TES: variants seen among roughly 807,000 people sequenced by gnomAD.
The protein encoded by TES is testin.
TES carries 41 observed loss-of-function variants against 48.2 expected under a neutral mutation model. The ratio of observed to expected loss-of-function variants is 0.85; its 90% CI spans 0.66 to 1.10. The LOEUF (loss-of-function observed/expected upper bound fraction) is 1.10, where lower values mean the gene tolerates loss of function less well. Ranked by LOEUF, TES falls within the 50% of genes least tolerant of loss-of-function variation. The probability of loss-of-function intolerance (pLI) is 0.00; values close to 1 mark genes in which losing one functional copy is unlikely to be tolerated. For missense variants in TES, 463 were observed against 515.1 expected (o/e 0.90, Z 0.98); for synonymous variants, 162 against 174.9 (o/e 0.93, Z 0.58).
Position 116,210,610 on chromosome 7 carries a change from C to T in TES, c.-98C>T, listed in dbSNP as rs577172537. The T allele has an allele frequency of 2.8e-4, 348 of 1,226,860 alleles. 5 individuals carry two copies. The South Asian group carries it at 7.7e-3, about 27-fold the overall frequency. The allele number at this position is 1,226,860 out of a possible 1,614,324, so 76.0% of individuals were successfully genotyped here. A position where few individuals can be genotyped will look rare whatever the true frequency, so the allele number is the denominator to read the frequency against. ...GCTGTTGAGCGGCGCCGCGGGAGTT[C>T]CGCAGGTTTCCCGTGTTCGCAGCGG... is the stretch of plus-strand genomic sequence containing the variant. On this transcript the variant is annotated 5_prime_UTR_variant, in exon 1 of 7. Coordinates refer to ENST00000358204, the MANE Select transcript of TES (RefSeq NM_015641.4).
chr7:116,212,204 GTATT>G (rs1799446822), intron 1 of TES, among the ~76,000 whole-genome samples: 1 of 152,188 alleles, frequency 6.6e-6, no homozygotes, highest in South Asian at 2.1e-4. Context: ...TTGCTTTTAA[GTATT>G]TATTTGAAGA....
intron 1 of TES, chr7:116,211,053 T>G: frequency 4.2e-6 from 1 of 240,588 alleles, no homozygotes; most frequent in Non-Finnish European, 7.9e-6. Flanking sequence ...CAGCTCTGCC[T>G]GTGCCTCCTC....
intron 2 of TES, among the ~76,000 whole-genome samples, chr7:116,242,525 CTCTCTCTCTCTCTGTCTCTG>C (rs145487576): frequency 0.2 from 29,885 of 146,190 alleles, 3,209 homozygotes; most frequent in East Asian, 0.43. Context: ...CTCTCTCTCT[CTCTCTCTCTCTCTGTCTCTG>C]TCTCGGAATA....
In TES at chr7:116,258,349, A is replaced by T. The variant is rs1354996937; in HGVS notation, c.*867A>T. ...GGTCTCAAACTCCTGACCTCAGATG[A>T]TCCGCCTGCCTTGGCCTCCCAAAGT... On this transcript the variant is annotated 3_prime_UTR_variant, in exon 7 of 7. Transcript: ENST00000358204. 4.6e-5 allele frequency: 7 copies of T among 152,552 alleles called. No individual in the cohort carries two copies. Among genetic ancestry groups the T allele is most frequent in the Non-Finnish European group, 1.0e-4 (7 of 68,074 alleles). The allele number at this position is 152,552 out of a possible 1,614,324, so 9.4% of individuals were successfully genotyped here.
chr7:116,230,230 T>C (rs1799680340), intron 1 of TES, among the ~76,000 whole-genome samples: 1 of 152,222 alleles, frequency 6.6e-6, no homozygotes, highest in Non-Finnish European at 1.5e-5. Flanking sequence ...TTCCACTCTC[T>C]TTCACTTACT....
intron 1 of TES, among the ~76,000 whole-genome samples, chr7:116,212,941 T>C (rs779642602): frequency 3.3e-5 from 5 of 152,224 alleles, no homozygotes; most frequent in Non-Finnish European, 7.3e-5. Flanking sequence ...TTCACTACGT[T>C]GTCTTCACTG....
intron 1 of TES, among the ~76,000 whole-genome samples, chr7:116,229,405 A>T (rs779056794): frequency 1.3e-5 from 2 of 152,166 alleles, no homozygotes; most frequent in Non-Finnish European, 2.9e-5. Flanking sequence ...GGTAAAGAGA[A>T]GAGATGAGAA....
At chr7:116,224,288 G>A (rs960411405) in intron 1 of TES, among the ~76,000 whole-genome samples, 1 of 152,222 alleles carries the variant, frequency 6.6e-6, no homozygotes, top group African/African-American at 2.4e-5. Flanking sequence ...ATGATAAATC[G>A]TATTTTCAAA....
intron 2 of TES, among the ~76,000 whole-genome samples, chr7:116,244,595 G>A (rs1799895815): frequency 1.3e-5 from 2 of 152,170 alleles, no homozygotes; most frequent in African/African-American, 2.4e-5. Flanking sequence ...CTGGCATTGA[G>A]TGCCTGCAGC....
At chr7:116,251,650 TCCAGC>T in intron 4 of TES, 105 bp from the exon 5 acceptor site, 1 of 1,017,032 alleles carries the variant, frequency 9.8e-7, no homozygotes, top group Non-Finnish European at 1.5e-6. Context: ...ACCACTGGAC[TCCAGC>T]CTGGGCGACA....
At chr7:116,235,832 AAGG>A (rs1799763368) in intron 2 of TES, among the ~76,000 whole-genome samples, 1 of 152,214 alleles carries the variant, frequency 6.6e-6, no homozygotes, top group African/African-American at 2.4e-5. Flanking sequence ...GTGTAAATTA[AAGG>A]AGAATATAAA....
At chr7:116,243,977 C>G (rs1225709846) in intron 2 of TES, 1 of 152,178 alleles carries the variant, frequency 6.6e-6, no homozygotes, top group African/African-American at 2.4e-5. Flanking sequence ...ACCATTAGCT[C>G]TCATGAGAAC....
chr7:116,255,699 AACAC>A (rs933044843), intron 6 of TES, among the ~76,000 whole-genome samples: 13 of 152,334 alleles, frequency 8.5e-5, no homozygotes, highest in Middle Eastern at 3.4e-3. Flanking sequence ...AAGGGAATAA[AACAC>A]ACGGTGTATT....
At position 116,215,432 on chromosome 7, in the gene TES, G is replaced by T. The variant is rs1482788621; in HGVS notation, c.27+4698G>T. Among the ~76,000 whole-genome samples the T allele has an allele frequency of 2.0e-5, 3 of 152,256 alleles. No individual in the cohort carries two copies. The East Asian group carries it at 5.8e-4, about 29-fold the overall frequency. ...ATTTTGTTTCTACTTTGTCCATGTT[G>T]TATGTATTCCCTTTAGTGTAAGTTG... On this transcript the variant is annotated intron_variant, in intron 1 of 6. Coordinates refer to ENST00000358204, the MANE Select transcript of TES (RefSeq NM_015641.4).
At chr7:116,230,355 A>C (rs1393281195) in intron 1 of TES, among the ~76,000 whole-genome samples, 1 of 152,214 alleles carries the variant, frequency 6.6e-6, no homozygotes, top group Non-Finnish European at 1.5e-5. Context: ...GGCAGTCACA[A>C]ATCTAACTGG....
At chr7:116,252,097 T>TA in intron 5 of TES, 122 bp downstream of exon 5, 1 of 1,101,256 alleles carries the variant, frequency 9.1e-7, no homozygotes, top group Non-Finnish European at 1.3e-6. Context: ...AAAGAAGTTT[T>TA]AAAAAATAAA....
intron 2 of TES, among the ~76,000 whole-genome samples, chr7:116,248,041 C>A (rs148164279): frequency 6.6e-6 from 1 of 152,164 alleles, no homozygotes; most frequent in Non-Finnish European, 1.5e-5. Context: ...ATATTTAGCT[C>A]CCACTTATAA....
At chr7:116,246,927 A>G (rs1055026061) in intron 2 of TES, among the ~76,000 whole-genome samples, 3 of 147,998 alleles carry the variant, frequency 2.0e-5, no homozygotes, top group African/African-American at 7.5e-5. Flanking sequence ...AGTAAGTTCT[A>G]GAAATCAGAG....
intron 1 of TES, among the ~76,000 whole-genome samples, chr7:116,227,268 C>G (rs1321569951): frequency 6.6e-6 from 1 of 151,564 alleles, no homozygotes. Flanking sequence ...AGGCATCTAT[C>G]ACCGCGCCCG....
Sources: gnomAD v4.1 joint callset for allele counts (sites outside exome capture counted in the v4.1 genomes callset) on GRCh38, gnomAD v4.1.1 for gene constraint, MANE v1.5 for transcripts, NCBI Gene and HGNC (gene_info 2026-07-23, HGNC 2026-07-21) for gene names.